The following SQOR variants were observed in gnomAD, a reference collection of about 807,000 sequenced individuals.
The protein encoded by SQOR is sulfide quinone oxidoreductase, also known as sulfide:quinone oxidoreductase, mitochondrial.
A neutral mutation model predicts 48.6 loss-of-function variants in SQOR; 39 were observed. The observed-to-expected ratio is 0.80, with a 90% CI of 0.62 to 1.05. The LOEUF (loss-of-function observed/expected upper bound fraction) is 1.05. SQOR is among the 50% of genes least tolerant of loss of function. The pLI, the probability that SQOR is intolerant of heterozygous loss-of-function variation, is 0.00. For missense variants in SQOR, 561 were observed against 559.9 expected (o/e 1.00, Z -0.02); for synonymous variants, 220 against 206.2 (o/e 1.07, Z -0.57).
At chr15:45,687,868 A>G (rs1351776762) in intron 7 of SQOR, among the ~76,000 whole-genome samples, 2 of 152,174 alleles carry the variant, frequency 1.3e-5, no homozygotes, top group Non-Finnish European at 2.9e-5. Context: ...CTATATCTGT[A>G]TCTATATCCA....
intron 1 of SQOR, among the ~76,000 whole-genome samples, chr15:45,657,676 T>C (rs35540030): frequency 0.18 from 27,805 of 152,172 alleles, 2,762 homozygotes; most frequent in Non-Finnish European, 0.2. Context: ...AGGCCTTTCT[T>C]TCTTTTTGTA....
intron 5 of SQOR, among the ~76,000 whole-genome samples, chr15:45,674,900 T>G (rs1890008047): frequency 6.6e-6 from 1 of 152,082 alleles, no homozygotes; most frequent in Non-Finnish European, 1.5e-5. Flanking sequence ...TGGGGACAGA[T>G]GGGAAGAAGG....
chr15:45,661,025 T>C (rs1002842948), intron 2 of SQOR, among the ~76,000 whole-genome samples: 9 of 152,138 alleles, frequency 5.9e-5, no homozygotes, highest in Non-Finnish European at 1.3e-4. Context: ...CTCAGGGCTG[T>C]AATCCCAGCA....
intron 6 of SQOR, among the ~76,000 whole-genome samples, chr15:45,678,641 T>C (rs1890076238): frequency 6.6e-6 from 1 of 152,018 alleles, no homozygotes; most frequent in Non-Finnish European, 1.5e-5. Context: ...AGGGTCATCA[T>C]TTTGAATAGC....
chr15:45,667,457 C>T (rs1199977179), intron 3 of SQOR, among the ~76,000 whole-genome samples: 2 of 152,130 alleles, frequency 1.3e-5, no homozygotes, highest in Admixed American at 6.5e-5. Flanking sequence ...GATATTCAGC[C>T]TTCTGGCAAG....
chr15:45,668,528 A>T (rs886849073), intron 3 of SQOR, among the ~76,000 whole-genome samples: 9 of 152,182 alleles, frequency 5.9e-5, no homozygotes, highest in African/African-American at 1.9e-4. Flanking sequence ...GGGAGGGGCC[A>T]GTGGTGAGGG....
At chr15:45,685,360 T>C (rs8040171) in intron 7 of SQOR, among the ~76,000 whole-genome samples, 57,444 of 152,032 alleles carry the variant, frequency 0.38, 12,960 homozygotes, top group Middle Eastern at 0.57. Flanking sequence ...AATCCTCTGT[T>C]CAGACCCTTA....
In SQOR at chr15:45,655,681, C is replaced by CT. The variant is rs60764234; in HGVS notation, c.-17-3212dup. 7.1e-3 allele frequency among the ~76,000 whole-genome samples: 1,024 copies of CT among 143,714 alleles called. 14 individuals carry two copies. The highest frequency in any genetic ancestry group is 0.021 in the African/African-American group (821 of 38,948). 94.3% of individuals were successfully genotyped at this position (143,714 alleles called of 152,430 possible). On this transcript the variant is annotated intron_variant, in intron 1 of 9. Transcript: ENST00000260324. Reference sequence around the variant, plus strand: ...TTCTGGGAAGTTGTAGAAAGTATATCTTTTTTTTTTTTTTCTTTTTGAGAC... The same window carrying CT: ...TTCTGGGAAGTTGTAGAAAGTATATCTTTTTTTTTTTTTTTCTTTTTGAGAC...
chr15:45,656,605 G>A (rs1309121662), intron 1 of SQOR, among the ~76,000 whole-genome samples: 1 of 151,756 alleles, frequency 6.6e-6, no homozygotes, highest in African/African-American at 2.4e-5. Flanking sequence ...ATTAATGTAT[G>A]TGTATAGTAG....
rs74009680 is a variant in SQOR at position 45,691,235 on chromosome 15, T to C, written c.*205T>C. 1.8e-3 allele frequency: 947 copies of C among 522,006 alleles called. 8 individuals carry two copies. Among genetic ancestry groups the C allele is most frequent in the African/African-American group, 0.016 (852 of 51,794 alleles). The allele number at this position is 522,006 out of a possible 1,614,324, so 32.3% of individuals were successfully genotyped here. The stretch of plus-strand genomic sequence containing the variant: ...GATGGGCTTGATTCTTTGGGAATAA[T>C]AAAATGAAATAATACTTTTATTTTC... On this transcript the variant is annotated 3_prime_UTR_variant, in exon 10 of 10. Coordinates refer to ENST00000260324, the MANE Select transcript of SQOR (RefSeq NM_021199.4).
intron 1 of SQOR, among the ~76,000 whole-genome samples, chr15:45,635,546 G>T (rs1437257009): frequency 1.3e-5 from 2 of 152,168 alleles, no homozygotes; most frequent in Non-Finnish European, 2.9e-5. Flanking sequence ...GACAGAGGGG[G>T]CGCTCGAGGG....
intron 3 of SQOR, among the ~76,000 whole-genome samples, chr15:45,662,885 T>C (rs1489914159): frequency 6.6e-6 from 1 of 152,222 alleles, no homozygotes; most frequent in African/African-American, 2.4e-5. Context: ...CAAGGTGTTA[T>C]TGGTCTTAAT....
intron 5 of SQOR, chr15:45,674,046 C>A: frequency 3.9e-6 from 2 of 509,650 alleles, no homozygotes; most frequent in South Asian, 2.3e-5. Flanking sequence ...TTTCTGTATA[C>A]TTAAATATGG....
chr15:45,652,938 G>A (rs1378578846), intron 1 of SQOR, among the ~76,000 whole-genome samples: 1 of 151,070 alleles, frequency 6.6e-6, no homozygotes, highest in Non-Finnish European at 1.5e-5. Flanking sequence ...CAGCCTGGGC[G>A]ACAGAGCAAG....
At chr15:45,647,044 T>C (rs919531191) in intron 1 of SQOR, among the ~76,000 whole-genome samples, 2 of 151,984 alleles carry the variant, frequency 1.3e-5, no homozygotes, top group African/African-American at 4.8e-5. Flanking sequence ...AGGTCAGGAG[T>C]TCGACACCAG....
chr15:45,688,835 G>A (rs1438424488), intron 8 of SQOR, among the ~76,000 whole-genome samples: 1 of 151,858 alleles, frequency 6.6e-6, no homozygotes, highest in Non-Finnish European at 1.5e-5. Flanking sequence ...TTTTTAATTA[G>A]TGTCTCCAAT....
intron 1 of SQOR, among the ~76,000 whole-genome samples, chr15:45,650,688 T>C (rs544319910): frequency 1.3e-5 from 2 of 152,284 alleles, no homozygotes; most frequent in African/African-American, 4.8e-5. Flanking sequence ...AGAGAGCTGA[T>C]TGGTCCGTTT....
chr15:45,666,173 C>T (rs943307650), intron 3 of SQOR, among the ~76,000 whole-genome samples: 2 of 152,212 alleles, frequency 1.3e-5, no homozygotes, highest in African/African-American at 4.8e-5. Flanking sequence ...CACCTCTATC[C>T]CTAGCTAACT....
At chr15:45,648,185 T>G (rs1296053075) in intron 1 of SQOR, among the ~76,000 whole-genome samples, 1 of 151,536 alleles carries the variant, frequency 6.6e-6, no homozygotes, top group African/African-American at 2.4e-5. Context: ...GTTTTTTTGT[T>G]TTTTTTTTGA....
Sources: gnomAD v4.1 joint callset for allele counts (sites outside exome capture counted in the v4.1 genomes callset) on GRCh38, gnomAD v4.1.1 for gene constraint, MANE v1.5 for transcripts, NCBI Gene and HGNC (gene_info 2026-07-23, HGNC 2026-07-21) for gene names.